SMIM41: variants seen among roughly 807,000 people sequenced by gnomAD.
SMIM41 encodes the protein small integral membrane protein 41.
intron 2 of SMIM41, among the ~76,000 whole-genome samples, chr12:52,089,529 G>A (rs4323920): frequency 0.029 from 4,430 of 152,274 alleles, 216 homozygotes; most frequent in African/African-American, 0.1. Context: ...GGAAGGTTGA[G>A]GCTGCAGTGA....
At chr12:52,093,704 T>C (rs1940041471) in intron 2 of SMIM41, 1 of 152,264 alleles carries the variant, frequency 6.6e-6, no homozygotes, top group Non-Finnish European at 1.5e-5. Flanking sequence ...CTTTAGCTTC[T>C]GGGTTGTAAT....
At position 52,081,039 on chromosome 12, in the gene SMIM41, G is replaced by T. The variant is rs577921697; in HGVS notation, c.*120+858G>T. The stretch of plus-strand genomic sequence containing the variant: ...ATTTCCAGCTGTGGGGGCTCTGTCT[G>T]GGTGTCTCCCTCTGTCTCTCCAAGG... On this transcript the variant is annotated intron_variant, in intron 1 of 2. Coordinates refer to ENST00000546390, the MANE Select transcript of SMIM41 (RefSeq NM_001369216.1). This position sits in a 1 kb window ranked among gnomAD's most constrained non-coding sequence, Gnocchi z 4.1. Among the ~76,000 whole-genome samples, 18 of 152,266 alleles carry T rather than the reference G, an allele frequency of 1.2e-4. No homozygotes were observed. The highest frequency in any genetic ancestry group is 3.9e-4 in the African/African-American group (16 of 41,544).
At chr12:52,093,896 C>T (rs1332481991) in intron 2 of SMIM41, among the ~76,000 whole-genome samples, 4 of 151,894 alleles carry the variant, frequency 2.6e-5, no homozygotes, top group Non-Finnish European at 4.4e-5. Flanking sequence ...TTTGGGAGGC[C>T]GAGGCAGGTG....
At chr12:52,086,006 G>T (rs954223866) in intron 2 of SMIM41, among the ~76,000 whole-genome samples, 2 of 152,216 alleles carry the variant, frequency 1.3e-5, no homozygotes, top group Non-Finnish European at 2.9e-5. Context: ...TGATGCTGCT[G>T]GAGGTGGAAA....
intron 2 of SMIM41, among the ~76,000 whole-genome samples, chr12:52,087,429 C>T (rs924901424): frequency 2.0e-5 from 3 of 152,210 alleles, no homozygotes; most frequent in African/African-American, 7.2e-5. Flanking sequence ...CTGTTTATGT[C>T]TCCATCCTCT....
At chr12:52,099,340 T>C (rs959046529) in intron 2 of SMIM41, among the ~76,000 whole-genome samples, 1 of 150,826 alleles carries the variant, frequency 6.6e-6, no homozygotes, top group Non-Finnish European at 1.5e-5. Context: ...ATATCACGGG[T>C]GGTTTACATC....
At chr12:52,105,372 T>G (rs551752008) in intron 2 of SMIM41, among the ~76,000 whole-genome samples, 1 of 152,360 alleles carries the variant, frequency 6.6e-6, no homozygotes, top group South Asian at 2.1e-4. Flanking sequence ...ATTCGGAATT[T>G]GGCTTCTCTT....
chr12:52,091,269 C>T (rs980657467), intron 2 of SMIM41, among the ~76,000 whole-genome samples: 1 of 152,208 alleles, frequency 6.6e-6, no homozygotes, highest in African/African-American at 2.4e-5. Context: ...GGTGGCCATT[C>T]AGGGAGCTGT....
intron 2 of SMIM41, among the ~76,000 whole-genome samples, chr12:52,091,252 G>A (rs1208958633): frequency 6.6e-6 from 1 of 152,170 alleles, no homozygotes; most frequent in African/African-American, 2.4e-5. Context: ...ACGGGTTTCA[G>A]GTTTCAGGTG....
chr12:52,104,639 A>G (rs1424928818), intron 2 of SMIM41, among the ~76,000 whole-genome samples: 1 of 151,770 alleles, frequency 6.6e-6, no homozygotes. Flanking sequence ...CTGTCGGCTC[A>G]GCAGACTGTG....
Position 52,088,948 on chromosome 12 carries a change from A to G in SMIM41, c.*195+4980A>G, listed in dbSNP as rs182830911. 5.1e-4 allele frequency among the ~76,000 whole-genome samples: 77 copies of G among 151,904 alleles called. No individual in the cohort carries two copies. In the East Asian group the frequency reaches 0.013, roughly 26 times the overall value. Reference sequence around the variant, plus strand: ...TGCTGTGCCCACCCCTCTGCCAGGCACCGAGTCTTCAGTGGCCGTGGAGGA... The same window carrying G: ...TGCTGTGCCCACCCCTCTGCCAGGCGCCGAGTCTTCAGTGGCCGTGGAGGA... On this transcript the variant is annotated intron_variant, in intron 2 of 2. Transcript: ENST00000546390.
intron 2 of SMIM41, among the ~76,000 whole-genome samples, chr12:52,095,303 A>T (rs1940072939): frequency 6.7e-6 from 1 of 149,240 alleles, no homozygotes; most frequent in Non-Finnish European, 1.5e-5. Context: ...GGATATTACG[A>T]TCCACATCGC....
chr12:52,102,674 T>C lies in SMIM41; in HGVS notation c.*196-4705T>C, dbSNP rs534326383. Among the ~76,000 whole-genome samples the C allele has an allele frequency of 7.1e-4, 108 of 152,202 alleles. 1 individual carries two copies. Among genetic ancestry groups the C allele is most frequent in the Non-Finnish European group, 1.2e-3 (79 of 68,008 alleles). On this transcript the variant is annotated intron_variant, in intron 2 of 2. Transcript: ENST00000546390. ...AGGGAAGCACAAATCAAACCAATAA[T>C]GTGATACCACACATTAGGATGGATA...
At chr12:52,100,937 CT>C (rs1476224441) in intron 2 of SMIM41, among the ~76,000 whole-genome samples, 2 of 151,990 alleles carry the variant, frequency 1.3e-5, no homozygotes, top group Non-Finnish European at 2.9e-5. Context: ...AAAATATTTG[CT>C]TTTTAGAAAT....
At chr12:52,093,024 C>T (rs1940030436) in intron 2 of SMIM41, among the ~76,000 whole-genome samples, 2 of 151,424 alleles carry the variant, frequency 1.3e-5, no homozygotes, top group African/African-American at 4.9e-5. Context: ...TACTACAATA[C>T]AAAAAAAATA....
chr12:52,092,460 G>A (rs1940022730), intron 2 of SMIM41: 1 of 152,162 alleles, frequency 6.6e-6, no homozygotes, highest in Non-Finnish European at 1.5e-5. Flanking sequence ...AAAAAGGGTG[G>A]TTAATAACTT....
chr12:52,105,426 T>C (rs769088099), intron 2 of SMIM41, among the ~76,000 whole-genome samples: 1 of 152,212 alleles, frequency 6.6e-6, no homozygotes, highest in Non-Finnish European at 1.5e-5. Context: ...GCTCCTCAGA[T>C]GTACCTGTGG....
At chr12:52,103,785 A>G (rs1940271839) in intron 2 of SMIM41, among the ~76,000 whole-genome samples, 4 of 151,854 alleles carry the variant, frequency 2.6e-5, no homozygotes, top group Non-Finnish European at 5.9e-5. Flanking sequence ...TAAACACGGT[A>G]TGATTCCACT....
At chr12:52,096,126 A>G (rs375914164) in intron 2 of SMIM41, among the ~76,000 whole-genome samples, 2 of 151,734 alleles carry the variant, frequency 1.3e-5, no homozygotes, top group African/African-American at 4.8e-5. Context: ...ATTAGGAATA[A>G]TATCACAGGG....
Sources: gnomAD v4.1 joint callset for allele counts (sites outside exome capture counted in the v4.1 genomes callset) on GRCh38, gnomAD v4.1.1 for gene constraint, Gnocchi (gnomAD v3.1) non-coding constraint, MANE v1.5 for transcripts, NCBI Gene and HGNC (gene_info 2026-07-23, HGNC 2026-07-21) for gene names.